Variants in GLUD1 observed in about 807,000 individuals in gnomAD.
GLUD1 encodes glutamate dehydrogenase 1, mitochondrial.
A neutral mutation model predicts 56.0 loss-of-function variants in GLUD1; 22 were observed. The ratio of observed to expected loss-of-function variants is 0.39; its 90% CI spans 0.28 to 0.56. The LOEUF is 0.56. Among genes scored for constraint, GLUD1 ranks in the 20% least tolerant of loss-of-function variants. The pLI is 0.58. For missense variants in GLUD1, 451 were observed against 732.0 expected (o/e 0.62, Z 4.43); for synonymous variants, 223 against 269.9 (o/e 0.83, Z 1.70).
At chr10:87,081,006 CCGGGAGGGAGG>C (rs1244634633) in intron 1 of GLUD1, among the ~76,000 whole-genome samples, 34 of 137,830 alleles carry the variant, frequency 2.5e-4, no homozygotes, top group Admixed American at 1.1e-3. Context: ...GCCGCCCCGT[CCGGGAGGGAGG>C]TGGGGGGTCA....
In GLUD1 at chr10:87,094,366, T is replaced by C. The variant is rs1034653371; in HGVS notation, c.404A>G (p.Tyr135Cys). The C allele has an allele frequency of 6.2e-7, 1 of 1,611,976 alleles. No individual in the cohort carries two copies. The highest frequency in any genetic ancestry group is 2.2e-5 in the East Asian group (1 of 44,814). The change falls in exon 1 of 13, where the codon TAC becomes TGC. Residue 135 changes from tyrosine to cysteine, a missense_variant. This residue lies in a region of GLUD1 where 248 missense variants were observed against 460.0 expected (regional missense o/e 0.54). Coordinates refer to ENST00000277865, the MANE Select transcript of GLUD1 (RefSeq NM_005271.5). The surrounding 1 kb of genome is among the most constrained non-coding windows in gnomAD (Gnocchi z 6.6). The stretch of plus-strand genomic sequence containing the variant: ...GCGGTGCTGGCTGTGCTGGGCCCGG[T>C]AGCCTTCGATGACCTCCCAGGAGCC... ...DDGSWEVIEG[Y>C]RAQHSQHRTP...
rs779258344 is a variant in GLUD1 at position 87,094,744 on chromosome 10, A to T, written c.26T>A (p.Leu9Gln). The stretch of plus-strand genomic sequence containing the variant: ...AGCGGGCCCGGCCCGGGACAGCAAC[A>T]GCGCTTCGCCCAGGTAGCGGTACAT... MYRYLGEA[L>Q]LLSRAGPAAL... The change falls in exon 1 of 13, where the codon CTG becomes CAG. Residue 9 changes from leucine to glutamine, a missense_variant. Coordinates refer to ENST00000277865, the MANE Select transcript of GLUD1 (RefSeq NM_005271.5). This position sits in a 1 kb window ranked among gnomAD's most constrained non-coding sequence, Gnocchi z 6.6. 35 of 1,532,490 alleles carry T rather than the reference A, an allele frequency of 2.3e-5. No individual in the cohort carries two copies. In the South Asian group the frequency reaches 4.1e-4, roughly 18 times the overall value. The allele number at this position is 1,532,490 out of a possible 1,614,324, so 94.9% of individuals were successfully genotyped here.
In GLUD1 at chr10:87,062,744, T is replaced by C; in HGVS notation, c.833A>G (p.His278Arg). Residue 278 changes from histidine to arginine, a missense_variant, in exon 6 of 13, where the codon CAT (histidine) becomes CGT (arginine). This residue lies in a region of GLUD1 where 248 missense variants were observed against 460.0 expected (regional missense o/e 0.54). Coordinates refer to ENST00000277865, the MANE Select transcript of GLUD1 (RefSeq NM_005271.5). ...RISATGRGVF[H>R]GIENFINEAS... ...TTCATTGATGAAATTTTCAATCCCA[T>C]GGAAGACACCACGGCCAGTAGCAGA... 2 of 1,614,204 alleles carry C rather than the reference T, an allele frequency of 1.2e-6. No individual in the cohort carries two copies. Among genetic ancestry groups the C allele is most frequent in the Non-Finnish European group, 1.7e-6 (2 of 1,180,024 alleles).
Position 87,094,068 on chromosome 10 carries a change from C to A in GLUD1, c.445+257G>T, listed in dbSNP as rs1192006029. 2 of 1,515,850 alleles carry A rather than the reference C, an allele frequency of 1.3e-6. No individual in the cohort carries two copies. The highest frequency in any genetic ancestry group is 4.0e-5 in the Admixed American group (2 of 50,204). The allele number at this position is 1,515,850 out of a possible 1,614,324, so 93.9% of individuals were successfully genotyped here. ...GGAGACCGGTGCAGCGTCTACTCTG[C>A]ATGCAAGATCAGCATATACAGAGGC... is the stretch of plus-strand genomic sequence containing the variant. On this transcript the variant is annotated intron_variant, in intron 1 of 12. Coordinates refer to ENST00000277865, the MANE Select transcript of GLUD1 (RefSeq NM_005271.5). This position sits in a 1 kb window ranked among gnomAD's most constrained non-coding sequence, Gnocchi z 6.6.
intron 8 of GLUD1, 97 bp from the exon 9 acceptor site, chr10:87,060,338 G>A: frequency 1.2e-6 from 1 of 854,716 alleles, no homozygotes; most frequent in Non-Finnish European, 2.1e-6. Context: ...AGGGGCTGTG[G>A]GGAGAAGCAC....
In GLUD1 at chr10:87,094,267, G is replaced by A. The variant is rs904890880; in HGVS notation, c.445+58C>T. ...AGCGGCCCCGCACCGGCAGGAGGCC[G>A]GAGGGGAGGGCCGCAGGGGAGGCAG... On this transcript the variant is annotated intron_variant, in intron 1 of 12. Transcript: ENST00000277865. This position sits in a 1 kb window ranked among gnomAD's most constrained non-coding sequence, Gnocchi z 6.6. 8.4e-6 allele frequency: 13 copies of A among 1,541,780 alleles called. No individual in the cohort carries two copies. In the East Asian group the frequency reaches 2.9e-4, roughly 35 times the overall value.
chr10:87,078,049 C>T (rs1395268134), intron 1 of GLUD1, among the ~76,000 whole-genome samples: 1 of 152,142 alleles, frequency 6.6e-6, no homozygotes, highest in Non-Finnish European at 1.5e-5. Context: ...CTGAAAACAT[C>T]AACCTTAATA....
rs111451358 is a variant in GLUD1 at position 87,056,322 on chromosome 10, C to T, written c.1494+1369G>A. On this transcript the variant is annotated intron_variant, in intron 11 of 12. Transcript: ENST00000277865. Reference sequence around the variant, plus strand: ...TTTTTTTTTTTTTGAGATGGAGTTTCGCTCTTGTTGCCCAGGCTGGAGTGC... The same window carrying T: ...TTTTTTTTTTTTTGAGATGGAGTTTTGCTCTTGTTGCCCAGGCTGGAGTGC... Among the ~76,000 whole-genome samples, 442 of 123,054 alleles carry T rather than the reference C, an allele frequency of 3.6e-3. 3 individuals carry two copies. The highest frequency in any genetic ancestry group is 0.013 in the African/African-American group (418 of 32,186). The allele number at this position is 123,054 out of a possible 152,430, so 80.7% of individuals were successfully genotyped here. A position where few individuals can be genotyped will look rare whatever the true frequency, so the allele number is the denominator to read the frequency against.
chr10:87,051,771 C>T lies in GLUD1; in HGVS notation c.1657G>A (p.Ala553Thr). The T allele has an allele frequency of 6.2e-7, 1 of 1,612,782 alleles. No individual in the cohort carries two copies. The highest frequency in any genetic ancestry group is 8.5e-7 in the Non-Finnish European group (1 of 1,179,980). The stretch of plus-strand genomic sequence containing the variant: ...TCCATCTATGTGAAGGTCACACCAG[C>T]TTCATTGTACACTTTGAAGACTTTC... ...IEKVFKVYNE[A>T]GVTFT The change falls in exon 13 of 13, where the codon GCT (alanine) becomes ACT (threonine). Residue 553 changes from alanine (A) to threonine (T), a missense_variant. By Grantham distance (58) the Ala-to-Thr change is moderately conservative. This residue lies in a region of GLUD1 where 43 missense variants were observed against 61.6 expected (regional missense o/e 0.70). Transcript: ENST00000277865.
At chr10:87,075,642 C>T (rs114405373) in intron 3 of GLUD1, among the ~76,000 whole-genome samples, 9,384 of 152,206 alleles carry the variant, frequency 0.062, 590 homozygotes, top group African/African-American at 0.17. Flanking sequence ...CACTTTGAGG[C>T]CGGGTGCGGT....
chr10:87,085,615 T>C (rs1401708312), intron 1 of GLUD1, among the ~76,000 whole-genome samples: 2 of 152,176 alleles, frequency 1.3e-5, no homozygotes, highest in African/African-American at 2.4e-5. Flanking sequence ...ATAACACATA[T>C]GTATGTATTT....
intron 6 of GLUD1, among the ~76,000 whole-genome samples, chr10:87,061,677 C>G (rs1845936532): frequency 6.6e-6 from 1 of 151,558 alleles, no homozygotes. Context: ...AGTGCAATGG[C>G]ACAATCTTGG....
chr10:87,071,341 T>C (rs1846233212), intron 4 of GLUD1, among the ~76,000 whole-genome samples: 1 of 151,692 alleles, frequency 6.6e-6, no homozygotes, highest in South Asian at 2.1e-4. Context: ...TACAGGTACC[T>C]GCCTGGCTAA....
rs533807141 is a variant in GLUD1, at chr10:87,056,447, C to A, written c.1494+1244G>T. On this transcript the variant is annotated intron_variant, in intron 11 of 12. Transcript: ENST00000277865. ...TAGCTGGGACTACAGGTGCGTGCCA[C>A]CATGCCTGGCTAATTTTTTGTATTT... is the stretch of plus-strand genomic sequence containing the variant. 2.5e-3 allele frequency among the ~76,000 whole-genome samples: 377 copies of A among 152,102 alleles called. 1 individual carries two copies. The highest frequency in any genetic ancestry group is 4.7e-3 in the Non-Finnish European group (322 of 68,000).
At chr10:87,052,420 G>A (rs568437297) in intron 12 of GLUD1, among the ~76,000 whole-genome samples, 329 of 152,160 alleles carry the variant, frequency 2.2e-3, no homozygotes, top group Non-Finnish European at 3.4e-3. Context: ...GCCAGGAGGC[G>A]GTGGTTGCAG....
intron 4 of GLUD1, among the ~76,000 whole-genome samples, chr10:87,072,506 T>C (rs1168486882): frequency 6.6e-6 from 1 of 151,918 alleles, no homozygotes; most frequent in Non-Finnish European, 1.5e-5. Flanking sequence ...TGCCGAGGAG[T>C]GAGAGAAAAA....
intron 6 of GLUD1, 125 bp from the exon 7 acceptor site, chr10:87,061,177 A>G (rs758417133): frequency 1.6e-5 from 15 of 950,254 alleles, no homozygotes; most frequent in African/African-American, 8.0e-5. Context: ...TTCTTTTGCC[A>G]AAAGAAACAA....
intron 7 of GLUD1, 45 bp from the exon 8 acceptor site, chr10:87,060,870 T>C (rs1298723062): frequency 2.5e-6 from 4 of 1,613,902 alleles, no homozygotes; most frequent in East Asian, 2.2e-5. Flanking sequence ...ACCAGAGTTT[T>C]AAATATTTAT....
At position 87,094,138 on chromosome 10, in the gene GLUD1, A is replaced by C; in HGVS notation, c.445+187T>G. 1 of 1,447,984 alleles carries C rather than the reference A, an allele frequency of 6.9e-7. No homozygotes were observed. Among genetic ancestry groups the C allele is most frequent in the Non-Finnish European group, 9.1e-7 (1 of 1,095,208 alleles). 89.7% of individuals were successfully genotyped at this position (1,447,984 alleles called of 1,614,324 possible). ...GAGGGGGCAGGCCAATCGCATGATG[A>C]TTTTAAGGCGGAAAAATCACCATCC... On this transcript the variant is annotated intron_variant, in intron 1 of 12. Transcript: ENST00000277865. This position sits in a 1 kb window ranked among gnomAD's most constrained non-coding sequence, Gnocchi z 6.6.
Sources: allele counts gnomAD v4.1 joint callset (sites outside exome capture counted in the v4.1 genomes callset), GRCh38; gene constraint gnomAD v4.1.1; regional missense constraint gnomAD v4.1.1; non-coding constraint Gnocchi (gnomAD v3.1); transcripts MANE v1.5; gene names NCBI Gene and HGNC (gene_info 2026-07-23, HGNC 2026-07-21).